WWOX: variants seen among roughly 807,000 people sequenced by gnomAD.
WWOX encodes WW domain containing oxidoreductase.
A neutral mutation model predicts 46.2 loss-of-function variants in WWOX; 69 were observed. The ratio of observed to expected loss-of-function variants is 1.49; its 90% CI spans 1.23 to 1.82. The LOEUF (loss-of-function observed/expected upper bound fraction) is 1.82, where lower values mean the gene tolerates loss of function less well. Among genes scored for constraint, WWOX ranks in the 40% most tolerant of loss-of-function variants. The pLI is 0.00. For synonymous variants in WWOX, 359 were observed against 202.6 expected (o/e 1.77, Z -6.56); for missense variants, 919 against 542.6 (o/e 1.69, Z -6.89).
rs760130115 is a variant in WWOX at position 78,983,870 on chromosome 16, CTTTTTTTTTTT to C, written c.1057-227725_1057-227715del. Among the ~76,000 whole-genome samples, 8 of 79,864 alleles carry C rather than the reference CTTTTTTTTTTT, an allele frequency of 1.0e-4. No individual in the cohort carries two copies. The East Asian group carries it at 2.5e-3, about 25-fold the overall frequency. The allele number at this position is 79,864 out of a possible 152,430, so 52.4% of individuals were successfully genotyped here. On this transcript the variant is annotated intron_variant, in intron 8 of 8. Coordinates refer to ENST00000566780, the MANE Select transcript of WWOX (RefSeq NM_016373.4). ...CAGTCCATCTGTTATGAGAGCTATT[CTTTTTTTTTTT>C]TTTTTTTTTTTTGTGAGATGGAGTC...
chr16:78,969,267 C>G (rs906686911), intron 8 of WWOX, among the ~76,000 whole-genome samples: 2 of 131,238 alleles, frequency 1.5e-5, no homozygotes, highest in Non-Finnish European at 3.4e-5. Context: ...CTCTCTCTCT[C>G]TCTTTTTTTT....
chr16:78,288,787 C>G (rs960007017), intron 5 of WWOX, among the ~76,000 whole-genome samples: 5 of 152,126 alleles, frequency 3.3e-5, no homozygotes, highest in Admixed American at 1.3e-4. Context: ...GTCAGCGCAT[C>G]ATTGCTCAGA....
At chr16:79,147,066 C>A (rs775742101) in intron 8 of WWOX, among the ~76,000 whole-genome samples, 8 of 152,154 alleles carry the variant, frequency 5.3e-5, no homozygotes, top group Non-Finnish European at 7.4e-5. Flanking sequence ...ATCTATGGAT[C>A]TTATTCAGAT....
At chr16:78,694,409 A>G (rs978787866) in intron 8 of WWOX, among the ~76,000 whole-genome samples, 7 of 152,138 alleles carry the variant, frequency 4.6e-5, no homozygotes, top group African/African-American at 1.7e-4. Context: ...TTCCTGAAAC[A>G]ATGCCCTTCC....
rs183512292 is a variant in WWOX at position 78,930,305 on chromosome 16, G to C, written c.1057-281303G>C. Among the ~76,000 whole-genome samples the C allele has an allele frequency of 5.3e-5, 5 of 93,690 alleles. No individual in the cohort carries two copies. The East Asian group carries it at 7.1e-4, about 13-fold the overall frequency. The allele number at this position is 93,690 out of a possible 152,430, so 61.5% of individuals were successfully genotyped here. On this transcript the variant is annotated intron_variant, in intron 8 of 8. Transcript: ENST00000566780. ...TTTTTTTATTTTTTTTTTCAGACAG[G>C]GTCTCCTCCACACCCAGACTGGAGT... is the stretch of plus-strand genomic sequence containing the variant.
At chr16:78,848,795 AC>A (rs1366572791) in intron 8 of WWOX, among the ~76,000 whole-genome samples, 1 of 59,338 alleles carries the variant, frequency 1.7e-5, no homozygotes. Flanking sequence ...TTACACAGAG[AC>A]CTTTTTTTTT....
chr16:78,843,065 C>G (rs1175345623), intron 8 of WWOX, among the ~76,000 whole-genome samples: 1 of 149,806 alleles, frequency 6.7e-6, no homozygotes, highest in East Asian at 2.0e-4. Context: ...ATGTTTGGGT[C>G]TTTGCTTTTG....
intron 8 of WWOX, among the ~76,000 whole-genome samples, chr16:78,806,241 G>C (rs1389320903): frequency 6.6e-6 from 1 of 152,064 alleles, no homozygotes; most frequent in South Asian, 2.1e-4. Flanking sequence ...TTTCTTTCAT[G>C]AGAACCCATT....
intron 8 of WWOX, among the ~76,000 whole-genome samples, chr16:78,621,515 G>A (rs532080843): frequency 2.0e-5 from 3 of 148,410 alleles, no homozygotes; most frequent in East Asian, 2.0e-4. Flanking sequence ...CTTCTATTTG[G>A]TAGTCTCAGA....
intron 8 of WWOX, among the ~76,000 whole-genome samples, chr16:78,650,004 T>C (rs975295624): frequency 6.6e-6 from 1 of 152,216 alleles, no homozygotes; most frequent in Non-Finnish European, 1.5e-5. Context: ...ATTTTTTTCT[T>C]TCAATTACAG....
At chr16:79,179,244 C>T (rs1353472282) in intron 8 of WWOX, among the ~76,000 whole-genome samples, 1 of 152,214 alleles carries the variant, frequency 6.6e-6, no homozygotes, top group Admixed American at 6.5e-5. Context: ...GTAAGCAATG[C>T]TTACTTGACT....
At position 78,551,345 on chromosome 16, in the gene WWOX, G is replaced by A. The variant is rs1597253070; in HGVS notation, c.1056+118593G>A. The A allele has an allele frequency of 3.3e-5, 5 of 152,108 alleles. No individual in the cohort carries two copies. The South Asian group carries it at 1.0e-3, about 32-fold the overall frequency. The allele number at this position is 152,108 out of a possible 1,614,324, so 9.4% of individuals were successfully genotyped here. ...CATTGTCTGAATTTTCCCAAGAAAGGAGGATGTTGATCTCCTATTTATTTA... is the reference window on the plus strand; with the variant it reads ...CATTGTCTGAATTTTCCCAAGAAAGAAGGATGTTGATCTCCTATTTATTTA... On this transcript the variant is annotated intron_variant, in intron 8 of 8. Coordinates refer to ENST00000566780, the MANE Select transcript of WWOX (RefSeq NM_016373.4).
chr16:79,027,529 A>T (rs1486830495), intron 8 of WWOX, among the ~76,000 whole-genome samples: 1 of 151,754 alleles, frequency 6.6e-6, no homozygotes, highest in Non-Finnish European at 1.5e-5. Flanking sequence ...TGGAATGTCC[A>T]ATTCCCCGTT....
At chr16:78,865,298 C>G (rs1177216173) in intron 8 of WWOX, among the ~76,000 whole-genome samples, 2 of 151,888 alleles carry the variant, frequency 1.3e-5, no homozygotes, top group African/African-American at 2.4e-5. Flanking sequence ...CCTTGCCAAT[C>G]TCATAAATAA....
intron 6 of WWOX, among the ~76,000 whole-genome samples, chr16:78,420,630 G>C (rs2151956219): frequency 6.7e-6 from 1 of 149,834 alleles, no homozygotes; most frequent in South Asian, 2.1e-4. Flanking sequence ...TAGGTAGATA[G>C]AGGGTGGCTA....
intron 8 of WWOX, among the ~76,000 whole-genome samples, chr16:78,481,274 C>G (rs555197082): frequency 8.5e-5 from 13 of 152,280 alleles, no homozygotes; most frequent in Non-Finnish European, 1.2e-4. Flanking sequence ...CAGTTCAAAG[C>G]AGCTTGGAGC....
chr16:78,334,969 T>G (rs992745843), intron 5 of WWOX, among the ~76,000 whole-genome samples: 2 of 150,976 alleles, frequency 1.3e-5, no homozygotes, highest in African/African-American at 4.9e-5. Context: ...GCGTTTATTA[T>G]GAGATACACG....
At chr16:78,868,991 T>A (rs1314368599) in intron 8 of WWOX, among the ~76,000 whole-genome samples, 1 of 152,140 alleles carries the variant, frequency 6.6e-6, no homozygotes, top group Non-Finnish European at 1.5e-5. Flanking sequence ...ATGCATGCGA[T>A]CTGTAAAAAG....
chr16:78,916,447 T>C (rs1056743224), intron 8 of WWOX, among the ~76,000 whole-genome samples: 1 of 152,206 alleles, frequency 6.6e-6, no homozygotes, highest in Admixed American at 6.5e-5. Flanking sequence ...TTAGCCACAA[T>C]TATCGCTAAA....
Sources: gnomAD v4.1 joint callset for allele counts (sites outside exome capture counted in the v4.1 genomes callset) on GRCh38, gnomAD v4.1.1 for gene constraint, MANE v1.5 for transcripts, NCBI Gene and HGNC (gene_info 2026-07-23, HGNC 2026-07-21) for gene names.